The following OSTF1 variants were observed in gnomAD, a reference collection of about 807,000 sequenced individuals.
OSTF1 encodes the protein osteoclast-stimulating factor 1.
In OSTF1, 27 loss-of-function variants were observed where a neutral mutation model predicts 37.2. That is an observed-to-expected ratio of 0.73 (90% confidence interval 0.54 to 1.00). The LOEUF (loss-of-function observed/expected upper bound fraction) is 1.00, where lower values mean the gene tolerates loss of function less well. Among genes scored for constraint, OSTF1 ranks in the 50% least tolerant of loss-of-function variants. The pLI is 0.00. For synonymous variants in OSTF1, 82 were observed against 89.2 expected, an observed-to-expected ratio of 0.92 and a Z score of 0.46; for missense variants, 232 against 253.8, an observed-to-expected ratio of 0.91 and a Z score of 0.58.
At chr9:75,088,882 C>A (rs1019634937) in intron 1 of OSTF1, 156 bp downstream of exon 1, 1 of 677,676 alleles carries the variant, frequency 1.5e-6, no homozygotes, top group Non-Finnish European at 2.6e-6. Context: ...GTTTTGCGTT[C>A]GCTGTTACGG....
At chr9:75,097,897 G>A (rs1026143989) in intron 1 of OSTF1, among the ~76,000 whole-genome samples, 1 of 141,666 alleles carries the variant, frequency 7.1e-6, no homozygotes, top group Non-Finnish European at 1.5e-5. Flanking sequence ...TGGCTCTGTT[G>A]CCCAGGCTGA....
intron 7 of OSTF1, among the ~76,000 whole-genome samples, chr9:75,136,918 G>T (rs908443295): frequency 6.6e-6 from 1 of 152,150 alleles, no homozygotes; most frequent in Non-Finnish European, 1.5e-5. Context: ...TGCACACTGG[G>T]CAGTGGGGTA....
At position 75,133,399 on chromosome 9, in the gene OSTF1, A is replaced by G. The variant is rs201675512; in HGVS notation, c.356A>G (p.Lys119Arg). The G allele has an allele frequency of 5.3e-5, 84 of 1,577,434 alleles. No individual in the cohort carries two copies. The highest frequency in any genetic ancestry group is 3.3e-4 in the Middle Eastern group (2 of 6,004). ...TACTGGGCTTGCCACGGGGGCCACA[A>G]AGGTATTACATTTTGTTTGTTATAT... ...ALYWACHGGH[K>R]DIVEMLFTQP... is the part of the protein sequence containing the mutation. Residue 119 changes from lysine (K) to arginine (R), a missense_variant and splice_region_variant, in exon 6 of 10, where the codon AAA (lysine) becomes AGA (arginine). Coordinates refer to ENST00000346234, the MANE Select transcript of OSTF1 (RefSeq NM_012383.5).
intron 1 of OSTF1, among the ~76,000 whole-genome samples, chr9:75,107,285 A>G (rs1050399598): frequency 6.6e-6 from 1 of 152,224 alleles, no homozygotes; most frequent in African/African-American, 2.4e-5. Flanking sequence ...TGCCTCATAG[A>G]AATAATTAAT....
chr9:75,120,736 C>G (rs1825566613), intron 2 of OSTF1, among the ~76,000 whole-genome samples: 1 of 152,154 alleles, frequency 6.6e-6, no homozygotes. Flanking sequence ...ACTGCTTCAA[C>G]CTTTTATTTG....
At chr9:75,128,363 CATATATATATAT>C (rs1174174895) in intron 3 of OSTF1, among the ~76,000 whole-genome samples, 793 of 11,514 alleles carry the variant, frequency 0.069, 61 homozygotes, top group African/African-American at 0.082. Context: ...GTATGAAAGA[CATATATATATAT>C]ATATATATAT....
chr9:75,134,207 T>C, intron 6 of OSTF1, 139 bp from the exon 7 acceptor site: 1 of 509,272 alleles, frequency 2.0e-6, no homozygotes, highest in Non-Finnish European at 3.5e-6. Context: ...GTTTTTCTAT[T>C]TTATAAATTT....
At chr9:75,089,109 A>G (rs1824882532) in intron 1 of OSTF1, among the ~76,000 whole-genome samples, 1 of 151,884 alleles carries the variant, frequency 6.6e-6, no homozygotes, top group Non-Finnish European at 1.5e-5. Flanking sequence ...CTCTTTTCTC[A>G]GTGTTTGTCA....
chr9:75,091,081 CTTTTTTTTTTT>C (rs35343834), intron 1 of OSTF1, among the ~76,000 whole-genome samples: 2 of 93,690 alleles, frequency 2.1e-5, no homozygotes, highest in Non-Finnish European at 4.0e-5. Flanking sequence ...GAAGTCTGCA[CTTTTTTTTTTT>C]TTTTTTTTTT....
intron 2 of OSTF1, 114 bp downstream of exon 2, chr9:75,117,664 C>G (rs548683417): frequency 1.3e-6 from 1 of 763,870 alleles, no homozygotes; most frequent in African/African-American, 1.7e-5. Flanking sequence ...CTAGGTAATT[C>G]TCAGGAATGG....
chr9:75,107,876 C>T (rs985623554), intron 1 of OSTF1, among the ~76,000 whole-genome samples: 21 of 152,122 alleles, frequency 1.4e-4, no homozygotes, highest in African/African-American at 5.1e-4. Context: ...AACCCTCATG[C>T]CTCATCACTT....
chr9:75,125,008 A>G (rs2118551276), intron 2 of OSTF1, among the ~76,000 whole-genome samples: 1 of 152,310 alleles, frequency 6.6e-6, no homozygotes, highest in African/African-American at 2.4e-5. Flanking sequence ...CATAGATGGG[A>G]CAGACTTCTT....
At chr9:75,116,777 ACT>A (rs1179159035) in intron 1 of OSTF1, among the ~76,000 whole-genome samples, 3 of 151,960 alleles carry the variant, frequency 2.0e-5, no homozygotes, top group African/African-American at 7.2e-5. Context: ...GGTTGGAAGG[ACT>A]CTGTATAGGA....
intron 2 of OSTF1, among the ~76,000 whole-genome samples, chr9:75,120,667 C>A (rs1161546552): frequency 6.6e-6 from 1 of 152,166 alleles, no homozygotes; most frequent in Admixed American, 6.5e-5. Context: ...TTAGCTCCTC[C>A]ATTCCATCTG....
rs2281661 is a variant in OSTF1 at position 75,131,495 on chromosome 9, A to G, written c.197-275A>G. Among the ~76,000 whole-genome samples the G allele has an allele frequency of 1.9e-3, 293 of 152,160 alleles. 1 individual carries two copies. Among genetic ancestry groups the G allele is most frequent in the African/African-American group, 6.3e-3 (262 of 41,528 alleles). ...TATCAAGTGTGCATTTAACTCAGGT[A>G]TGCGGGTTTGTTTGTTTTTGTTTAT... On this transcript the variant is annotated intron_variant, in intron 4 of 9. Transcript: ENST00000346234.
At chr9:75,100,226 AG>A (rs1472600859) in intron 1 of OSTF1, among the ~76,000 whole-genome samples, 1 of 152,178 alleles carries the variant, frequency 6.6e-6, no homozygotes, top group Non-Finnish European at 1.5e-5. Context: ...CTGTGAGCAG[AG>A]GTTATTCTCA....
At chr9:75,131,896 GCATACACCCA>G (rs1825766804) in intron 5 of OSTF1, 73 bp downstream of exon 5, 1 of 1,073,102 alleles carries the variant, frequency 9.3e-7, no homozygotes, top group African/African-American at 1.6e-5. Context: ...TTTGACAAGT[GCATACACCCA>G]CGTAACCAAC....
At chr9:75,145,129 A>G (rs1320226649) in intron 9 of OSTF1, among the ~76,000 whole-genome samples, 2 of 138,432 alleles carry the variant, frequency 1.4e-5, no homozygotes, top group Non-Finnish European at 3.1e-5. Flanking sequence ...TCAATCATGT[A>G]TCTGCCTGCC....
intron 3 of OSTF1, 51 bp from the exon 4 acceptor site, chr9:75,130,527 A>G (rs777370354): frequency 1.7e-6 from 2 of 1,202,448 alleles, no homozygotes; most frequent in South Asian, 1.2e-5. Flanking sequence ...TGAAAAGTGA[A>G]TGAATGCAGT....
Sources: allele counts gnomAD v4.1 joint callset (sites outside exome capture counted in the v4.1 genomes callset), GRCh38; gene constraint gnomAD v4.1.1; transcripts MANE v1.5; gene names NCBI Gene and HGNC (gene_info 2026-07-23, HGNC 2026-07-21).